CA4: variants seen among roughly 807,000 people sequenced by gnomAD.
The protein encoded by CA4 is CA-IV.
Under a neutral mutation model 34.5 loss-of-function variants are expected in CA4, and 24 were observed. That is an observed-to-expected ratio of 0.70 (90% CI 0.50 to 0.98). The LOEUF (loss-of-function observed/expected upper bound fraction) is 0.98. Ranked by LOEUF, CA4 falls within the 50% of genes least tolerant of loss-of-function variation. The pLI is 0.00. For synonymous variants in CA4, 178 were observed against 170.6 expected, an observed-to-expected ratio of 1.04 and a Z score of -0.34; for missense variants, 394 against 396.7, an observed-to-expected ratio of 0.99 and a Z score of 0.06.
At position 60,157,783 on chromosome 17, in the gene CA4, G is replaced by A; in HGVS notation, c.508G>A (p.Val170Met). ...CGAAATTGCGGTGCTGGCCTTTCTG[G>A]TGGAGGTGGGACTCCCATCCCCCAC... ...EDEIAVLAFL[V>M]EAGTQVNEGF... Residue 170 changes from valine (V) to methionine (M), a missense_variant, in exon 5 of 8, where the codon GTG (valine) becomes ATG (methionine). Val to Met is a conservative substitution (Grantham distance 21). Transcript: ENST00000300900. The A allele has an allele frequency of 6.2e-7, 1 of 1,612,604 alleles. No homozygotes were observed. The highest frequency in any genetic ancestry group is 8.5e-7 in the Non-Finnish European group (1 of 1,178,608).
At chr17:60,166,445 A>G (rs2083856569) in intron 5 of CA4, among the ~76,000 whole-genome samples, 1 of 152,202 alleles carries the variant, frequency 6.6e-6, no homozygotes, top group Non-Finnish European at 1.5e-5. Context: ...ATAGATTTCT[A>G]TAAGTGAAGT....
chr17:60,157,628 T>C, intron 4 of CA4, 56 bp downstream of exon 4: 1 of 1,613,926 alleles, frequency 6.2e-7, no homozygotes. Context: ...GCACCTGCCT[T>C]GGGCAAGGAG....
chr17:60,164,805 C>T (rs2083838795), intron 5 of CA4, among the ~76,000 whole-genome samples: 2 of 151,994 alleles, frequency 1.3e-5, no homozygotes, highest in South Asian at 4.2e-4. Flanking sequence ...CAGGCAGACA[C>T]AGCAGGCACA....
rs942898726 is a variant in CA4 at position 60,156,815 on chromosome 17, A to G, written c.268+100A>G. 4 of 1,116,808 alleles carry G rather than the reference A, an allele frequency of 3.6e-6. No homozygotes were observed. In the African/African-American group the frequency reaches 4.6e-5, roughly 13 times the overall value. The allele number at this position is 1,116,808 out of a possible 1,614,324, so 69.2% of individuals were successfully genotyped here. A position where few individuals can be genotyped will look rare whatever the true frequency, so the allele number is the denominator to read the frequency against. Reference sequence around the variant, plus strand: ...AGGAGGGTGTGCCAGACCCAGGCCCATCTGTGCTGTGAGGTGGCTGAAAAT... The same window carrying G: ...AGGAGGGTGTGCCAGACCCAGGCCCGTCTGTGCTGTGAGGTGGCTGAAAAT... On this transcript the variant is annotated intron_variant, in intron 3 of 7. Transcript: ENST00000300900.
downstream of CA4, among the ~76,000 whole-genome samples, chr17:60,163,268 G>A (rs533023601): frequency 5.5e-4 from 84 of 152,238 alleles, no homozygotes; most frequent in African/African-American, 2.0e-3. Flanking sequence ...CGCCTATACC[G>A]ACAGGGCCTT....
At chr17:60,157,621 C>T (rs1462932019) in intron 4 of CA4, 49 bp downstream of exon 4, 7 of 1,614,102 alleles carry the variant, frequency 4.3e-6, no homozygotes, top group African/African-American at 1.3e-5. Flanking sequence ...TGGGCGCGCA[C>T]CTGCCTTGGG....
chr17:60,175,776 A>G (rs1393337183), downstream of CA4, among the ~76,000 whole-genome samples: 1 of 151,782 alleles, frequency 6.6e-6, no homozygotes, highest in African/African-American at 2.4e-5. Flanking sequence ...CTTTCCTTAA[A>G]CAAGCTGCCA....
chr17:60,163,693 C>T (rs2145295767), downstream of CA4, among the ~76,000 whole-genome samples: 1 of 152,300 alleles, frequency 6.6e-6, no homozygotes, highest in South Asian at 2.1e-4. Flanking sequence ...TCCGCAGAGC[C>T]CTCGGCTGGA....
chr17:60,167,135 C>T (rs1208731218), intron 5 of CA4, among the ~76,000 whole-genome samples: 2 of 152,146 alleles, frequency 1.3e-5, no homozygotes, highest in African/African-American at 2.4e-5. Context: ...GGAATTGAAC[C>T]CAGATCTGCA....
chr17:60,160,844 G>A (rs2083779707), downstream of CA4, among the ~76,000 whole-genome samples: 1 of 147,220 alleles, frequency 6.8e-6, no homozygotes, highest in Non-Finnish European at 1.5e-5. Flanking sequence ...GAGGCCTCTG[G>A]AGACTGCAAA....
chr17:60,176,893 A>C, the CA4 span, among the ~76,000 whole-genome samples: 78 of 152,324 alleles, frequency 5.1e-4, 2 homozygotes, highest in East Asian at 0.01. Context: ...GGCACAGTTC[A>C]CAATAGGGTT....
chr17:60,174,803 C>T (rs345160), downstream of CA4, among the ~76,000 whole-genome samples: 30,431 of 152,162 alleles, frequency 0.2, 7,395 homozygotes, highest in African/African-American at 0.58. Flanking sequence ...AAATTCTGTA[C>T]TCAGCCTCCA....
chr17:60,155,171 C>T, intron 1 of CA4, 143 bp from the exon 2 acceptor site: 3 of 733,200 alleles, frequency 4.1e-6, no homozygotes, highest in African/African-American at 1.7e-5. Flanking sequence ...TTTTTCTGGG[C>T]CCTCAATCCT....
rs1288017773 is a variant in CA4 at position 60,150,121 on chromosome 17, C to T, written c.58+29C>T. Reference sequence around the variant, plus strand: ...AGCTCCCGGGCTCCGGCCCCAGGTGCCCCTCGGCGGTCCCCTCCGTGCCCC... The same window carrying T: ...AGCTCCCGGGCTCCGGCCCCAGGTGTCCCTCGGCGGTCCCCTCCGTGCCCC... On this transcript the variant is annotated intron_variant, in intron 1 of 7. Transcript: ENST00000300900. 3 of 1,578,742 alleles carry T rather than the reference C, an allele frequency of 1.9e-6. No homozygotes were observed. The South Asian group carries it at 3.3e-5, about 18-fold the overall frequency.
chr17:60,155,222 AC>A (rs961337326), intron 1 of CA4, 91 bp from the exon 2 acceptor site: 1 of 1,238,334 alleles, frequency 8.1e-7, no homozygotes. Flanking sequence ...AGGGGCTCCA[AC>A]CCCAGGGGTA....
At chr17:60,162,091 G>A (rs2083797143), downstream of CA4, among the ~76,000 whole-genome samples, 3 of 152,130 alleles carry the variant, frequency 2.0e-5, no homozygotes, top group Admixed American at 6.5e-5. Context: ...GCCAGAACGG[G>A]CACAGCTTGT....
At position 60,158,359 on chromosome 17, in the gene CA4, C is replaced by A. The variant is rs1334880754; in HGVS notation, c.657C>A (p.Arg219=). 6.2e-7 allele frequency: 1 copy of A among 1,614,176 alleles called. No homozygotes were observed. The change falls in exon 7 of 8, where the codon CGC becomes CGA. Residue 219 remains arginine (R), a synonymous_variant. Coordinates refer to ENST00000300900, the MANE Select transcript of CA4 (RefSeq NM_000717.5). ...AGGAGAAACTGAGGCACTACTTCCG[C>A]TACCTGGGCTCACTCACCACACCGA... The part of the protein sequence containing the change: ...PKEEKLRHYF[R]YLGSLTTPTC...
chr17:60,159,717 C>T (rs963087882), downstream of CA4, among the ~76,000 whole-genome samples: 4 of 152,128 alleles, frequency 2.6e-5, no homozygotes, highest in Admixed American at 2.6e-4. Context: ...GTCTATACCC[C>T]ACTCCCTTCT....
chr17:60,157,319 A>C, intron 3 of CA4, 108 bp from the exon 4 acceptor site: 1 of 840,738 alleles, frequency 1.2e-6, no homozygotes, highest in Middle Eastern at 3.3e-4. Flanking sequence ...AGAGCTCATG[A>C]AGGTTGGGAG....
Sources: gnomAD v4.1 joint callset for allele counts (sites outside exome capture counted in the v4.1 genomes callset) on GRCh38, gnomAD v4.1.1 for gene constraint, MANE v1.5 for transcripts, NCBI Gene and HGNC (gene_info 2026-07-23, HGNC 2026-07-21) for gene names.